Variants in CA10 observed in about 807,000 individuals in gnomAD.
CA10 encodes carbonic anhydrase 10 (inactive).
CA10 carries 14 observed loss-of-function variants against 44.2 expected under a neutral mutation model. The observed-to-expected ratio is 0.32, with a 90% CI of 0.21 to 0.50. The LOEUF is 0.50. Ranked by LOEUF, CA10 falls within the 20% of genes least tolerant of loss-of-function variation. The pLI is 0.99. For synonymous variants in CA10, 159 were observed against 141.6 expected, an observed-to-expected ratio of 1.12 and a Z score of -0.87; for missense variants, 350 against 409.7, an observed-to-expected ratio of 0.85 and a Z score of 1.26.
At chr17:51,907,543 T>C (rs1032319096) in intron 3 of CA10, among the ~76,000 whole-genome samples, 21 of 152,280 alleles carry the variant, frequency 1.4e-4, no homozygotes, top group African/African-American at 4.3e-4. Context: ...TCTTCGAGGC[T>C]GAAGGACTTA....
chr17:51,846,645 T>C (rs1978506431), intron 3 of CA10, among the ~76,000 whole-genome samples: 1 of 152,206 alleles, frequency 6.6e-6, no homozygotes, highest in Non-Finnish European at 1.5e-5. Context: ...GTCTTTTGAA[T>C]GCCAGCAAAA....
Position 51,973,947 on chromosome 17 carries a change from C to T in CA10, c.137-42815G>A, listed in dbSNP as rs149448327. Among the ~76,000 whole-genome samples, 367 of 151,988 alleles carry T rather than the reference C, an allele frequency of 2.4e-3. 1 individual carries two copies. The highest frequency in any genetic ancestry group is 8.6e-3 in the African/African-American group (356 of 41,478). On this transcript the variant is annotated intron_variant, in intron 2 of 8. Transcript: ENST00000451037. ...TAGCAGATAAAGATTATAAAAGTAG[C>T]TATCATAAATATGTTCAATTTTTCT...
intron 4 of CA10, among the ~76,000 whole-genome samples, chr17:51,674,329 T>C (rs1914538512): frequency 6.6e-6 from 1 of 152,224 alleles, no homozygotes; most frequent in African/African-American, 2.4e-5. Context: ...AATAGTCTTC[T>C]TACTTAGGAA....
At chr17:51,818,824 A>C (rs1339679575) in intron 3 of CA10, among the ~76,000 whole-genome samples, 1 of 152,228 alleles carries the variant, frequency 6.6e-6, no homozygotes, top group Non-Finnish European at 1.5e-5. Context: ...GTGTAAAACA[A>C]GAATAATAAT....
At chr17:51,905,844 A>C (rs1002070978) in intron 3 of CA10, among the ~76,000 whole-genome samples, 28 of 151,976 alleles carry the variant, frequency 1.8e-4, no homozygotes, top group Non-Finnish European at 8.8e-5. Context: ...TCAGTTGATG[A>C]CCTTGATTCT....
Position 51,694,078 on chromosome 17 carries a change from C to T in CA10, c.466-40342G>A, listed in dbSNP as rs1003387018. Among the ~76,000 whole-genome samples, 3 of 152,012 alleles carry T rather than the reference C, an allele frequency of 2.0e-5. No homozygotes were observed. The East Asian group carries it at 5.8e-4, about 29-fold the overall frequency. Reference sequence around the variant, plus strand: ...AATTAGCTAGGCGTGGTGGTGCATGCCTGCAATCCTGGCTACTTGGGAGGC... The same window carrying T: ...AATTAGCTAGGCGTGGTGGTGCATGTCTGCAATCCTGGCTACTTGGGAGGC... On this transcript the variant is annotated intron_variant, in intron 4 of 8. Coordinates refer to ENST00000451037, the MANE Select transcript of CA10 (RefSeq NM_020178.5).
chr17:51,717,423 C>A (rs929289166), intron 4 of CA10, among the ~76,000 whole-genome samples: 1 of 150,344 alleles, frequency 6.7e-6, no homozygotes, highest in Admixed American at 6.7e-5. Flanking sequence ...AGTCGTTATT[C>A]GAAAAAGATA....
At position 51,986,161 on chromosome 17, in the gene CA10, A is replaced by G. The variant is rs932417201; in HGVS notation, c.137-55029T>C. On this transcript the variant is annotated intron_variant, in intron 2 of 8. Transcript: ENST00000451037. ...ATGGTACTGATATAAAAATAGGCACATAGACCAATGGAACAGAATAGAGAA... is the reference window on the plus strand; with the variant it reads ...ATGGTACTGATATAAAAATAGGCACGTAGACCAATGGAACAGAATAGAGAA... 2.0e-5 allele frequency among the ~76,000 whole-genome samples: 3 copies of G among 152,244 alleles called. No homozygotes were observed. In the East Asian group the frequency reaches 5.8e-4, roughly 29 times the overall value.
intron 1 of CA10, among the ~76,000 whole-genome samples, chr17:52,119,590 T>TA (rs895016362): frequency 3.3e-5 from 5 of 151,956 alleles, no homozygotes; most frequent in African/African-American, 9.7e-5. Context: ...GGCTCAGCTT[T>TA]AAAAAAAAGA....
intron 1 of CA10, among the ~76,000 whole-genome samples, chr17:52,151,302 GT>G (rs928252486): frequency 6.6e-6 from 1 of 151,578 alleles, no homozygotes; most frequent in Non-Finnish European, 1.5e-5. Flanking sequence ...TTGATATTTT[GT>G]TTTTTAAATA....
At chr17:51,854,140 A>T (rs1234793296) in intron 3 of CA10, among the ~76,000 whole-genome samples, 1 of 152,172 alleles carries the variant, frequency 6.6e-6, no homozygotes, top group Non-Finnish European at 1.5e-5. Context: ...TCAGGGAATG[A>T]TCAGCCAGTT....
At chr17:52,157,538 C>G (rs553056297) in intron 1 of CA10, among the ~76,000 whole-genome samples, 188 bp downstream of exon 1, 18 of 146,064 alleles carry the variant, frequency 1.2e-4, no homozygotes, top group Admixed American at 2.0e-4. Flanking sequence ...CACCCCCCCC[C>G]GCAAAACACA....
At chr17:51,939,530 C>T (rs1297068691) in intron 2 of CA10, among the ~76,000 whole-genome samples, 1 of 152,058 alleles carries the variant, frequency 6.6e-6, no homozygotes, top group Non-Finnish European at 1.5e-5. Context: ...ATTTACTCTC[C>T]TATCGGCAAT....
chr17:52,052,008 C>T (rs1987085831), intron 2 of CA10, among the ~76,000 whole-genome samples: 1 of 151,978 alleles, frequency 6.6e-6, no homozygotes, highest in Admixed American at 6.6e-5. Context: ...AGCCATTATC[C>T]TTAGCAAACT....
chr17:51,712,740 A>T (rs1263986), intron 4 of CA10, among the ~76,000 whole-genome samples: 58,622 of 152,108 alleles, frequency 0.39, 11,857 homozygotes, highest in Admixed American at 0.45. Context: ...CTAGAAAGAT[A>T]GTGAGTTGCA....
intron 3 of CA10, among the ~76,000 whole-genome samples, chr17:51,845,485 C>G (rs917368374): frequency 6.6e-6 from 1 of 152,208 alleles, no homozygotes; most frequent in Non-Finnish European, 1.5e-5. Context: ...AGTGAAGCTG[C>G]TTCCAAATTC....
At chr17:52,085,790 C>T (rs535458460) in intron 1 of CA10, among the ~76,000 whole-genome samples, 2 of 152,240 alleles carry the variant, frequency 1.3e-5, no homozygotes, top group South Asian at 4.1e-4. Flanking sequence ...CACTGACCAA[C>T]CCTAGTCAGA....
intron 4 of CA10, among the ~76,000 whole-genome samples, chr17:51,688,040 C>A (rs1364579018): frequency 6.6e-6 from 1 of 152,174 alleles, no homozygotes; most frequent in Non-Finnish European, 1.5e-5. Flanking sequence ...CTTATGCTCC[C>A]TTGGATCACC....
chr17:52,027,680 A>T (rs1193315528), intron 2 of CA10, among the ~76,000 whole-genome samples: 1 of 152,154 alleles, frequency 6.6e-6, no homozygotes, highest in Non-Finnish European at 1.5e-5. Flanking sequence ...TCCCTTTTGC[A>T]GACCCTCATT....
Sources: allele counts gnomAD v4.1 joint callset (sites outside exome capture counted in the v4.1 genomes callset), GRCh38; gene constraint gnomAD v4.1.1; transcripts MANE v1.5; gene names NCBI Gene and HGNC (gene_info 2026-07-23, HGNC 2026-07-21).